MAGI2: variants seen among roughly 807,000 people sequenced by gnomAD.
MAGI2 encodes the protein membrane-associated guanylate kinase, WW and PDZ domain-containing protein 2.
A neutral mutation model predicts 133.3 loss-of-function variants in MAGI2; 35 were observed. The ratio of observed to expected loss-of-function variants is 0.26; its 90% CI spans 0.20 to 0.35. The LOEUF (loss-of-function observed/expected upper bound fraction) is 0.35, where lower values mean the gene tolerates loss of function less well. Ranked by LOEUF, MAGI2 falls within the 10% of genes least tolerant of loss-of-function variation. MAGI2 has a pLI of 1.00. For missense variants in MAGI2, 1,636 were observed against 1,863.4 expected (o/e 0.88, Z 2.25); for synonymous variants, 729 against 710.6 (o/e 1.03, Z -0.41).
intron 2 of MAGI2, among the ~76,000 whole-genome samples, chr7:78,736,386 T>C (rs1821847573): frequency 6.6e-6 from 1 of 152,242 alleles, no homozygotes; most frequent in Non-Finnish European, 1.5e-5. Flanking sequence ...GTTCAGAGGT[T>C]AATATTTGGA....
At chr7:78,281,288 A>G (rs1465603088) in intron 9 of MAGI2, among the ~76,000 whole-genome samples, 3 of 151,148 alleles carry the variant, frequency 2.0e-5, no homozygotes, top group African/African-American at 7.4e-5. Context: ...CCAAAATCTC[A>G]TCTTGAATTG....
At chr7:78,685,636 T>C (rs1195227696) in intron 2 of MAGI2, among the ~76,000 whole-genome samples, 1 of 130,884 alleles carries the variant, frequency 7.6e-6, no homozygotes, top group African/African-American at 2.9e-5. Context: ...TATATATACG[T>C]AACCTATATA....
chr7:79,405,681 A>T (rs1331538287), intron 1 of MAGI2, among the ~76,000 whole-genome samples: 1 of 152,144 alleles, frequency 6.6e-6, no homozygotes, highest in Non-Finnish European at 1.5e-5. Context: ...AATGAGTTCC[A>T]TGGGACCTGA....
intron 1 of MAGI2, among the ~76,000 whole-genome samples, chr7:79,378,746 A>G (rs751474373): frequency 6.6e-6 from 1 of 151,090 alleles, no homozygotes; most frequent in Non-Finnish European, 1.5e-5. Context: ...AAGTATCTTT[A>G]TTATCTGCAA....
chr7:78,649,930 G>A (rs1265080937), intron 2 of MAGI2, among the ~76,000 whole-genome samples: 1 of 152,198 alleles, frequency 6.6e-6, no homozygotes, highest in African/African-American at 2.4e-5. Flanking sequence ...GCATTCTGAT[G>A]TGTGTAGGAC....
At chr7:78,575,697 A>G (rs1802198260) in intron 3 of MAGI2, among the ~76,000 whole-genome samples, 2 of 152,188 alleles carry the variant, frequency 1.3e-5, no homozygotes, top group South Asian at 4.1e-4. Flanking sequence ...CATAACCCAG[A>G]CTAACCATGA....
chr7:78,128,371 T>A (rs546430882), intron 18 of MAGI2, among the ~76,000 whole-genome samples: 2 of 152,194 alleles, frequency 1.3e-5, no homozygotes, highest in South Asian at 4.1e-4. Context: ...CATTGCCTAT[T>A]GCCATGGTAA....
At chr7:78,405,653 T>G (rs559459612) in intron 6 of MAGI2, among the ~76,000 whole-genome samples, 1 of 152,214 alleles carries the variant, frequency 6.6e-6, no homozygotes, top group South Asian at 2.1e-4. Context: ...TTTAGCTTTT[T>G]TAAACCAAAA....
At chr7:79,048,586 A>C (rs1477123349) in intron 1 of MAGI2, among the ~76,000 whole-genome samples, 1 of 152,232 alleles carries the variant, frequency 6.6e-6, no homozygotes, top group African/African-American at 2.4e-5. Flanking sequence ...CAGATAAATT[A>C]GTATTCTAGA....
chr7:78,122,222 TG>T (rs1308933650), intron 20 of MAGI2, among the ~76,000 whole-genome samples: 1 of 152,216 alleles, frequency 6.6e-6, no homozygotes, highest in Non-Finnish European at 1.5e-5. Context: ...CCTTGAATCA[TG>T]GTTAGTATTT....
intron 9 of MAGI2, among the ~76,000 whole-genome samples, chr7:78,339,177 C>T (rs371138456): frequency 3.3e-5 from 5 of 152,320 alleles, no homozygotes; most frequent in African/African-American, 1.2e-4. Context: ...CTTTATAGCC[C>T]TGGTGCACTG....
At position 78,256,214 on chromosome 7, in the gene MAGI2, A is replaced by G; in HGVS notation, c.1776T>C (p.Ser592=). Residue 592 remains serine, a synonymous_variant, in exon 10 of 22, where the codon TCT becomes TCC. Coordinates refer to ENST00000354212, the MANE Select transcript of MAGI2 (RefSeq NM_012301.4). The stretch of plus-strand genomic sequence containing the variant: ...CTTGGGTGGCCCCAGATGAAGCCAT[A>G]GACACATTGTCATCATGGACGGGCG... The part of the protein sequence containing the change: ...YPPPVHDDNV[S]MASSGATQAE... 6.2e-7 allele frequency: 1 copy of G among 1,614,064 alleles called. No individual in the cohort carries two copies. The highest frequency in any genetic ancestry group is 8.5e-7 in the Non-Finnish European group (1 of 1,180,006).
At chr7:79,347,345 C>T (rs574827307) in intron 1 of MAGI2, among the ~76,000 whole-genome samples, 1 of 151,840 alleles carries the variant, frequency 6.6e-6, no homozygotes, top group Non-Finnish European at 1.5e-5. Flanking sequence ...TTCATTTCCC[C>T]TCAATCCTGC....
intron 1 of MAGI2, among the ~76,000 whole-genome samples, chr7:79,199,540 T>C (rs1319141864): frequency 2.6e-5 from 4 of 152,032 alleles, no homozygotes; most frequent in Admixed American, 6.6e-5. Context: ...GATTCAAAGC[T>C]AGAGATTTTC....
At chr7:79,252,507 T>C (rs913447793) in intron 1 of MAGI2, among the ~76,000 whole-genome samples, 2 of 152,058 alleles carry the variant, frequency 1.3e-5, no homozygotes, top group Non-Finnish European at 2.9e-5. Context: ...AAAAATATAA[T>C]TAGATAGAAT....
chr7:79,378,916 A>G (rs848931), intron 1 of MAGI2, among the ~76,000 whole-genome samples: 23,849 of 76,800 alleles, frequency 0.31, 3,526 homozygotes, highest in African/African-American at 0.44. Flanking sequence ...ATATATATAT[A>G]TGTGTGTGTG....
intron 20 of MAGI2, among the ~76,000 whole-genome samples, chr7:78,125,285 A>G (rs1215014952): frequency 1.3e-5 from 2 of 152,216 alleles, no homozygotes; most frequent in Non-Finnish European, 2.9e-5. Flanking sequence ...ATTTCCTAAA[A>G]GTCCCGCAAA....
intron 1 of MAGI2, among the ~76,000 whole-genome samples, chr7:79,218,569 A>T (rs1242451163): frequency 6.6e-6 from 1 of 152,078 alleles, no homozygotes; most frequent in African/African-American, 2.4e-5. Context: ...ATTTGCACAG[A>T]GTGAAGGCTT....
chr7:78,361,604 T>C (rs1006742254), intron 7 of MAGI2, among the ~76,000 whole-genome samples: 1 of 152,224 alleles, frequency 6.6e-6, no homozygotes, highest in Non-Finnish European at 1.5e-5. Flanking sequence ...TTTATATACA[T>C]AACTGATGTC....
Sources: gnomAD v4.1 joint callset for allele counts (sites outside exome capture counted in the v4.1 genomes callset) on GRCh38, gnomAD v4.1.1 for gene constraint, MANE v1.5 for transcripts, NCBI Gene and HGNC (gene_info 2026-07-23, HGNC 2026-07-21) for gene names.